The following EIF4B variants were observed in gnomAD, a reference collection of about 807,000 sequenced individuals.
EIF4B encodes the protein eukaryotic translation initiation factor 4B.
In EIF4B, 8 loss-of-function variants were observed where a neutral mutation model predicts 79.3. The observed-to-expected ratio is 0.10, with a 90% CI of 0.06 to 0.18. The LOEUF (loss-of-function observed/expected upper bound fraction) is 0.18, where lower values mean the gene tolerates loss of function less well. Among genes scored for constraint, EIF4B ranks in the 10% least tolerant of loss-of-function variants. EIF4B has a pLI of 1.00. For missense variants in EIF4B, 515 were observed against 792.4 expected (o/e 0.65, Z 4.20); for synonymous variants, 238 against 274.7 (o/e 0.87, Z 1.32).
chr12:53,035,191 T>C (rs1345665238), intron 10 of EIF4B, among the ~76,000 whole-genome samples: 2 of 151,822 alleles, frequency 1.3e-5, no homozygotes, highest in Admixed American at 1.3e-4. Flanking sequence ...TCCCTTCCCT[T>C]ACCATGATGT....
intron 1 of EIF4B, among the ~76,000 whole-genome samples, chr12:53,011,464 C>T (rs1943062029): frequency 6.6e-6 from 1 of 152,194 alleles, no homozygotes; most frequent in Admixed American, 6.5e-5. Context: ...CCCAAACCCT[C>T]ATCCCACCCC....
chr12:53,035,615 G>A (rs1432363516), intron 10 of EIF4B, among the ~76,000 whole-genome samples: 4 of 151,882 alleles, frequency 2.6e-5, no homozygotes, highest in Admixed American at 6.6e-5. Flanking sequence ...TGATCCACCC[G>A]ACTCGGCCTC....
chr12:53,030,997 A>AC (rs774006594), intron 8 of EIF4B, among the ~76,000 whole-genome samples: 25 of 148,360 alleles, frequency 1.7e-4, no homozygotes, highest in Non-Finnish European at 2.7e-4. Flanking sequence ...TCTTGCTCTT[A>AC]CCCCCCCATT....
intron 1 of EIF4B, among the ~76,000 whole-genome samples, chr12:53,007,695 C>A (rs1028463323): frequency 2.6e-5 from 4 of 152,156 alleles, no homozygotes; most frequent in African/African-American, 4.8e-5. Context: ...ACTTCTATCT[C>A]TGGGTGCTCA....
intron 6 of EIF4B, among the ~76,000 whole-genome samples, chr12:53,022,976 C>T (rs1462830782): frequency 2.0e-5 from 3 of 151,732 alleles, no homozygotes; most frequent in South Asian, 2.1e-4. Context: ...GCAGCCTGGG[C>T]GACAAAACAA....
At position 53,033,906 on chromosome 12, in the gene EIF4B, C is replaced by T. The variant is rs1234633565; in HGVS notation, c.1080C>T (p.Ile360=). 6 of 1,614,160 alleles carry T rather than the reference C, an allele frequency of 3.7e-6. No homozygotes were observed. The highest frequency in any genetic ancestry group is 5.1e-6 in the Non-Finnish European group (6 of 1,179,982). ...CCCAGTCCACTCGAGCTGCTTCTAT[C>T]TTTGGAGGGGCAAAGCCTGTTGACA... ...STSQSTRAAS[I]FGGAKPVDTA... Residue 360 remains isoleucine, a synonymous_variant, in exon 9 of 15, where the codon ATC becomes ATT. Coordinates refer to ENST00000262056, the MANE Select transcript of EIF4B (RefSeq NM_001417.7).
rs118047688 is a variant in EIF4B at position 53,037,984 on chromosome 12, G to A, written c.1520+362G>A. 31 of 276,282 alleles carry A rather than the reference G, an allele frequency of 1.1e-4. No homozygotes were observed. In the East Asian group the frequency reaches 2.8e-3, roughly 25 times the overall value. 17.1% of individuals were successfully genotyped at this position (276,282 alleles called of 1,614,324 possible). ...AAAATAGCAACACTATTAGCCTGGC[G>A]TGGTGGCAGGTACCTGTAATCCCAG... is the stretch of plus-strand genomic sequence containing the variant. On this transcript the variant is annotated intron_variant, in intron 11 of 14. Transcript: ENST00000262056.
chr12:53,032,026 A>T lies in EIF4B; in HGVS notation c.980-1780A>T, dbSNP rs12229325. ...TTAGGTTTCTCTTGAAAGTGTTCTG[A>T]CAACTTGAATTGAGGAAGAAATCAG... On this transcript the variant is annotated intron_variant, in intron 8 of 14. Transcript: ENST00000262056. Among the ~76,000 whole-genome samples, 2,172 of 141,348 alleles carry T rather than the reference A, an allele frequency of 0.015. 78 individuals are homozygous for T. The East Asian group carries it at 0.16, about 10-fold the overall frequency. 92.7% of individuals were successfully genotyped at this position (141,348 alleles called of 152,430 possible).
chr12:53,028,971 C>G (rs562881327), intron 8 of EIF4B, among the ~76,000 whole-genome samples: 1 of 152,042 alleles, frequency 6.6e-6, no homozygotes, highest in Non-Finnish European at 1.5e-5. Flanking sequence ...ACTAAAAATA[C>G]AAAAATTAGG....
At chr12:53,021,300 G>C (rs985536506) in intron 4 of EIF4B, among the ~76,000 whole-genome samples, 4 of 152,088 alleles carry the variant, frequency 2.6e-5, no homozygotes, top group Non-Finnish European at 4.4e-5. Flanking sequence ...AAATGTGTTG[G>C]GTGTTTTTGT....
At chr12:53,029,922 T>TG (rs1300957935) in intron 8 of EIF4B, among the ~76,000 whole-genome samples, 3 of 51,048 alleles carry the variant, frequency 5.9e-5, no homozygotes, top group Non-Finnish European at 2.5e-4. Context: ...AATGTTTGTT[T>TG]TTTTTAAAAA....
intron 9 of EIF4B, 45 bp downstream of exon 9, chr12:53,034,079 G>T (rs372699601): frequency 6.5e-7 from 1 of 1,546,600 alleles, no homozygotes; most frequent in East Asian, 2.4e-5. Flanking sequence ...CCGGTGGTTC[G>T]TAATGGGGGC....
chr12:53,036,758 A>C (rs531923944), intron 10 of EIF4B, among the ~76,000 whole-genome samples: 42 of 147,454 alleles, frequency 2.8e-4, no homozygotes, highest in African/African-American at 1.0e-3. Flanking sequence ...ATGGAGTCTC[A>C]CTCTGTCAGC....
rs775237534 is a variant in EIF4B at position 53,038,306 on chromosome 12, GT to G, written c.1521-46del. 4 of 1,520,442 alleles carry G rather than the reference GT, an allele frequency of 2.6e-6. No homozygotes were observed. The South Asian group carries it at 5.1e-5, about 19-fold the overall frequency. 94.2% of individuals were successfully genotyped at this position (1,520,442 alleles called of 1,614,324 possible). On this transcript the variant is annotated intron_variant, in intron 11 of 14. Coordinates refer to ENST00000262056, the MANE Select transcript of EIF4B (RefSeq NM_001417.7). ...TGGAGGATGATTATGTTTCTTGGTTGTTTTCTCCCTGAAACAACTGATGAAT... is the reference window on the plus strand; with the variant it reads ...TGGAGGATGATTATGTTTCTTGGTTGTTTCTCCCTGAAACAACTGATGAAT...
At chr12:53,022,414 G>C in intron 5 of EIF4B, 79 bp from the exon 6 acceptor site, 1 of 1,583,760 alleles carries the variant, frequency 6.3e-7, no homozygotes, top group South Asian at 1.1e-5. Context: ...AGGGTAAAAT[G>C]GGGGTTTTCT....
chr12:53,036,442 T>G (rs1943542522), intron 10 of EIF4B, among the ~76,000 whole-genome samples: 1 of 151,960 alleles, frequency 6.6e-6, no homozygotes, highest in Non-Finnish European at 1.5e-5. Flanking sequence ...AGGGTTTCAT[T>G]CTCACCCAGG....
At chr12:53,019,439 T>TATATA (rs1565586209) in intron 3 of EIF4B, among the ~76,000 whole-genome samples, 4 of 97,970 alleles carry the variant, frequency 4.1e-5, no homozygotes, top group African/African-American at 2.0e-4. Context: ...ATATATATAT[T>TATATA]TTTTTTTTTT....
At chr12:53,034,408 C>T (rs1335005970) in intron 9 of EIF4B, among the ~76,000 whole-genome samples, 1 of 152,120 alleles carries the variant, frequency 6.6e-6, no homozygotes, top group Non-Finnish European at 1.5e-5. Context: ...TGTTCTTAAC[C>T]ATATTAGTTG....
At chr12:53,009,548 A>G (rs1943027589) in intron 1 of EIF4B, among the ~76,000 whole-genome samples, 1 of 152,188 alleles carries the variant, frequency 6.6e-6, no homozygotes, top group South Asian at 2.1e-4. Context: ...ATGTAAGCTC[A>G]TGCACAGGCC....
Sources: gnomAD v4.1 joint callset for allele counts (sites outside exome capture counted in the v4.1 genomes callset) on GRCh38, gnomAD v4.1.1 for gene constraint, MANE v1.5 for transcripts, NCBI Gene and HGNC (gene_info 2026-07-23, HGNC 2026-07-21) for gene names.